The following MYO9B variants were observed in gnomAD, a reference collection of about 807,000 sequenced individuals.
The protein encoded by MYO9B is unconventional myosin-IXb.
In MYO9B, 71 loss-of-function variants were observed where a neutral mutation model predicts 229.5. The ratio of observed to expected loss-of-function variants is 0.31; its 90% CI spans 0.26 to 0.38. MYO9B has a LOEUF of 0.38. Ranked by LOEUF, MYO9B falls within the 10% of genes least tolerant of loss-of-function variation. MYO9B has a pLI of 1.00. For missense variants in MYO9B, 2,255 were observed against 2,920.5 expected, an observed-to-expected ratio of 0.77 and a Z score of 5.25; for synonymous variants, 1,185 against 1,235.8, an observed-to-expected ratio of 0.96 and a Z score of 0.86.
chr19:17,175,810 G>A, intron 14 of MYO9B, 69 bp downstream of exon 14: 8 of 1,096,418 alleles, frequency 7.3e-6, no homozygotes, highest in Non-Finnish European at 9.2e-6. Flanking sequence ...AAACAACTTA[G>A]GGAATGCTAC....
rs534975936 is a variant in MYO9B at position 17,205,483 on chromosome 19, A to T, written c.5064+147A>T. 191 of 727,680 alleles carry T rather than the reference A, an allele frequency of 2.6e-4. No homozygotes were observed. In the African/African-American group the frequency reaches 2.7e-3, roughly 10 times the overall value. The allele number at this position is 727,680 out of a possible 1,614,324, so 45.1% of individuals were successfully genotyped here. ...GGCCTCTGGTTCTGCAGAACACACC[A>T]TTGTCCCCGGTTCTGTACAAACTCC... is the stretch of plus-strand genomic sequence containing the variant. On this transcript the variant is annotated intron_variant, in intron 31 of 39. Transcript: ENST00000682292.
In MYO9B at chr19:17,167,928, G is replaced by A. The variant is rs768570635; in HGVS notation, c.1672-15G>A. ...GGGAGATAAGAAACTTACCGACCCC[G>A]CGCCACCCCTGCAGGAGGAATATCA... On this transcript the variant is annotated splice_polypyrimidine_tract_variant and intron_variant, in intron 10 of 39. Transcript: ENST00000682292. 15 of 1,556,320 alleles carry A rather than the reference G, an allele frequency of 9.6e-6. No homozygotes were observed. The highest frequency in any genetic ancestry group is 3.5e-5 in the South Asian group (3 of 84,624).
intron 4 of MYO9B, 37 bp from the exon 5 acceptor site, chr19:17,153,930 C>CAA (rs2072509078): frequency 6.4e-7 from 1 of 1,564,326 alleles, no homozygotes; most frequent in Non-Finnish European, 8.8e-7. Context: ...ACTTGGCCTC[C>CAA]AAAAACAACT....
chr19:17,161,849 T>G (rs938961150), intron 8 of MYO9B, among the ~76,000 whole-genome samples: 5 of 150,768 alleles, frequency 3.3e-5, no homozygotes, highest in African/African-American at 1.2e-4. Context: ...ATTAACCAGG[T>G]GTGGTGTTGT....
Position 17,212,296 on chromosome 19 carries a change from C to G in MYO9B, c.6460C>G (p.Gln2154Glu). The change falls in exon 40 of 40, where the codon CAG becomes GAG. Residue 2154 changes from glutamine to glutamate, a missense_variant. By Grantham distance (29) the Gln-to-Glu change is conservative. Transcript: ENST00000682292. The surrounding 1 kb of genome is among the most constrained non-coding windows in gnomAD (Gnocchi z 5.4). ...PTYCLPPASG[Q>E]TNG ...GTACTGCCTGCCCCCCGCCTCGGGC[C>G]AGACCAATGGCTGAGAGCCACAGCT... 1.3e-6 allele frequency: 2 copies of G among 1,513,694 alleles called. No individual in the cohort carries two copies. The highest frequency in any genetic ancestry group is 1.8e-6 in the Non-Finnish European group (2 of 1,139,762). The allele number at this position is 1,513,694 out of a possible 1,614,324, so 93.8% of individuals were successfully genotyped here.
At chr19:17,085,696 T>C (rs1451319265) in intron 1 of MYO9B, among the ~76,000 whole-genome samples, 1 of 150,000 alleles carries the variant, frequency 6.7e-6, no homozygotes, top group African/African-American at 2.5e-5. Flanking sequence ...TTACCGAATG[T>C]GGACTTGCAC....
At position 17,109,927 on chromosome 19, in the gene MYO9B, AC is replaced by A. The variant is rs374903742; in HGVS notation, c.840+7371del. Among the ~76,000 whole-genome samples the A allele has an allele frequency of 1.8e-3, 272 of 152,262 alleles. 1 individual carries two copies. Among genetic ancestry groups the A allele is most frequent in the African/African-American group, 6.3e-3 (260 of 41,578 alleles). On this transcript the variant is annotated intron_variant, in intron 2 of 39. Coordinates refer to ENST00000682292, the MANE Select transcript of MYO9B (RefSeq NM_004145.4). ...TTAGACATGTCTTTTTTGGGAAGCC[AC>A]AAGTCAACCCACTGCAGGTAGATTC...
intron 9 of MYO9B, 129 bp from the exon 10 acceptor site, chr19:17,162,857 CAA>C (rs998745751): frequency 5.8e-6 from 6 of 1,032,976 alleles, no homozygotes; most frequent in Non-Finnish European, 1.4e-6. Context: ...CTGGTAATGG[CAA>C]AGTGTTCTGC....
rs1455526662 is a variant in MYO9B, at chr19:17,101,706, G to GCTT, written c.-11_-10insTTC. ...AGCCTGGGAGGCATGCTGAAGCCAGGCGGCCGGCAGGATGAGTGTGAAAGA... is the reference window on the plus strand; with the variant it reads ...AGCCTGGGAGGCATGCTGAAGCCAGGCTTCGGCCGGCAGGATGAGTGTGAAAGA... On this transcript the variant is annotated 5_prime_UTR_variant, in exon 2 of 40. Transcript: ENST00000682292. This position sits in a 1 kb window ranked among gnomAD's most constrained non-coding sequence, Gnocchi z 4.7. The GCTT allele has an allele frequency of 7.1e-6, 11 of 1,551,690 alleles. No individual in the cohort carries two copies. In the East Asian group the frequency reaches 2.1e-4, roughly 30 times the overall value.
At chr19:17,211,543 G>A in intron 38 of MYO9B, 104 bp from the exon 39 acceptor site, 1 of 1,121,992 alleles carries the variant, frequency 8.9e-7, no homozygotes, top group South Asian at 1.6e-5. Context: ...GGGGAGGTTG[G>A]GGACACAGAG....
chr19:17,124,703 T>A (rs2057997782), intron 2 of MYO9B, among the ~76,000 whole-genome samples: 2 of 141,330 alleles, frequency 1.4e-5, no homozygotes, highest in Non-Finnish European at 3.0e-5. Context: ...GAGGTTGCAG[T>A]GAGCCGAGAT....
chr19:17,092,806 G>A (rs953408060), intron 1 of MYO9B, among the ~76,000 whole-genome samples: 3 of 151,222 alleles, frequency 2.0e-5, no homozygotes, highest in Non-Finnish European at 4.4e-5. Context: ...ATGTGAGTGT[G>A]TATACAAGCA....
intron 8 of MYO9B, among the ~76,000 whole-genome samples, chr19:17,159,955 T>A (rs1051553196): frequency 3.9e-5 from 6 of 152,044 alleles, no homozygotes; most frequent in Middle Eastern, 3.2e-3. Context: ...ATCCCTAGAC[T>A]CTGGAACATG....
rs369700226 is a variant in MYO9B at position 17,175,694 on chromosome 19, A to G, written c.2172A>G (p.Pro724=). ...GCAGCCCTGGTGCCCAAAGTCACCCAGAAGAGCTGCCAAGAGGAGCCAGCA... is the reference window on the plus strand; with the variant it reads ...GCAGCCCTGGTGCCCAAAGTCACCCGGAAGAGCTGCCAAGAGGAGCCAGCA... The part of the protein sequence containing the change: ...GMSSPGAQSH[P]EELPRGASTP... The change falls in exon 14 of 40, where the codon CCA becomes CCG. Residue 724 remains proline (P), a synonymous_variant. Coordinates refer to ENST00000682292, the MANE Select transcript of MYO9B (RefSeq NM_004145.4). The G allele has an allele frequency of 7.4e-5, 116 of 1,575,626 alleles. No homozygotes were observed. The African/African-American group carries it at 1.3e-3, about 17-fold the overall frequency.
At chr19:17,090,120 T>C (rs1408722497) in intron 1 of MYO9B, among the ~76,000 whole-genome samples, 3 of 9,908 alleles carry the variant, frequency 3.0e-4, no homozygotes, top group East Asian at 1.5e-3. Flanking sequence ...CTTCCTTCCT[T>C]TTTTTTTTTT....
intron 37 of MYO9B, 146 bp downstream of exon 37, chr19:17,210,526 G>A (rs2073215115): frequency 1.6e-6 from 2 of 1,240,260 alleles, no homozygotes; most frequent in Non-Finnish European, 2.2e-6. Context: ...CTTGCCTGCT[G>A]ACCTTCTGTG....
chr19:17,083,954 A>G (rs993966597), intron 1 of MYO9B, among the ~76,000 whole-genome samples: 5 of 152,008 alleles, frequency 3.3e-5, no homozygotes, highest in African/African-American at 1.2e-4. Flanking sequence ...CCCAGCCCGC[A>G]CATTTAAATA....
At chr19:17,142,957 G>A (rs887162855) in intron 2 of MYO9B, among the ~76,000 whole-genome samples, 11 of 152,096 alleles carry the variant, frequency 7.2e-5, no homozygotes, top group Admixed American at 1.3e-4. Flanking sequence ...CTTGAACACC[G>A]GCCAGGCATG....
At chr19:17,179,799 T>C (rs1175944993) in intron 14 of MYO9B, among the ~76,000 whole-genome samples, 1 of 151,172 alleles carries the variant, frequency 6.6e-6, no homozygotes, top group Non-Finnish European at 1.5e-5. Flanking sequence ...CTCAGGAGGC[T>C]GAGGCAGGAG....
Sources: gnomAD v4.1 joint callset for allele counts (sites outside exome capture counted in the v4.1 genomes callset) on GRCh38, gnomAD v4.1.1 for gene constraint, Gnocchi (gnomAD v3.1) non-coding constraint, MANE v1.5 for transcripts, NCBI Gene and HGNC (gene_info 2026-07-23, HGNC 2026-07-21) for gene names.